AKR1B15: variants seen among roughly 807,000 people sequenced by gnomAD.
AKR1B15 encodes estradiol 17-beta-dehydrogenase AKR1B15.
A neutral mutation model predicts 38.5 loss-of-function variants in AKR1B15; 49 were observed. That is an observed-to-expected ratio of 1.27 (90% CI 1.01 to 1.62). The LOEUF is 1.62. AKR1B15 is among the 40% of genes most tolerant of loss of function. The pLI is 0.00. For missense variants in AKR1B15, 411 were observed against 381.6 expected, an observed-to-expected ratio of 1.08 and a Z score of -0.64; for synonymous variants, 137 against 135.5, an observed-to-expected ratio of 1.01 and a Z score of -0.08.
intron 3 of AKR1B15, 128 bp downstream of exon 3, chr7:134,564,897 C>G (rs1794498719): frequency 3.8e-6 from 2 of 522,962 alleles, no homozygotes; most frequent in Admixed American, 6.7e-5. Flanking sequence ...ACTTTTCTGT[C>G]TAGCTAGAGG....
At chr7:134,557,209 CTCT>C (rs1002339037) in intron 2 of AKR1B15, among the ~76,000 whole-genome samples, 13 of 152,176 alleles carry the variant, frequency 8.5e-5, no homozygotes, top group African/African-American at 3.1e-4. Flanking sequence ...CCTTCTCCTC[CTCT>C]TGTTAGGGTT....
intron 3 of AKR1B15, chr7:134,565,445 T>C (rs764555423): frequency 6.2e-7 from 1 of 1,612,254 alleles, no homozygotes; most frequent in South Asian, 1.1e-5. Flanking sequence ...ACGTGAGACT[T>C]CTACCTGCTC....
At chr7:134,566,538 G>A (rs1411340003) in intron 3 of AKR1B15, among the ~76,000 whole-genome samples, 4 of 152,136 alleles carry the variant, frequency 2.6e-5, no homozygotes, top group African/African-American at 7.2e-5. Flanking sequence ...CCTCTGTTAG[G>A]CTAAGTTTGA....
At chr7:134,562,647 G>A (rs1470378113) in intron 2 of AKR1B15, among the ~76,000 whole-genome samples, 1 of 152,044 alleles carries the variant, frequency 6.6e-6, no homozygotes, top group African/African-American at 2.4e-5. Flanking sequence ...CAATCCTCTT[G>A]TAAGATAGAA....
At chr7:134,571,971 T>G (rs531311465) in intron 6 of AKR1B15, among the ~76,000 whole-genome samples, 1 of 152,152 alleles carries the variant, frequency 6.6e-6, no homozygotes, top group African/African-American at 2.4e-5. Flanking sequence ...GAACAGAGGG[T>G]TTGGGCCTGG....
chr7:134,571,713 A>C (rs1794671530), intron 6 of AKR1B15, 32 bp downstream of exon 6: 1 of 1,548,876 alleles, frequency 6.5e-7, no homozygotes, highest in South Asian at 1.1e-5. Flanking sequence ...GTGTGCTGGG[A>C]GAGAAATCCT....
At chr7:134,570,954 G>T (rs546707825) in intron 5 of AKR1B15, among the ~76,000 whole-genome samples, 2 of 152,308 alleles carry the variant, frequency 1.3e-5, no homozygotes, top group East Asian at 3.9e-4. Context: ...AACCTCTTGG[G>T]TTATTCTTCC....
chr7:134,560,446 T>C (rs968352225), intron 2 of AKR1B15, among the ~76,000 whole-genome samples: 2 of 152,118 alleles, frequency 1.3e-5, no homozygotes, highest in Non-Finnish European at 2.9e-5. Flanking sequence ...CCTGCCCAAA[T>C]TGCCAACCCA....
Position 134,579,651 on chromosome 7 carries a change from C to A in AKR1B15, c.*102C>A. ...TTTTAGCCAAGCTTATCTGAGATCA[C>A]AGTGAACTTTGTCCTGTTGTAGACC... On this transcript the variant is annotated 3_prime_UTR_variant, in exon 12 of 12. Coordinates refer to ENST00000457545, the MANE Select transcript of AKR1B15 (RefSeq NM_001080538.3). The A allele has an allele frequency of 9.0e-7, 1 of 1,113,776 alleles. No individual in the cohort carries two copies. The highest frequency in any genetic ancestry group is 1.3e-6 in the Non-Finnish European group (1 of 785,950). 69.0% of individuals were successfully genotyped at this position (1,113,776 alleles called of 1,614,324 possible).
At position 134,567,234 on chromosome 7, in the gene AKR1B15, T is replaced by C. The variant is rs903850502; in HGVS notation, c.151-924T>C. ...GTTTAAAAGACTATTTTGTGAGAGA[T>C]CAAGTTTTAAGTGCTTTTTGCCCCC... On this transcript the variant is annotated intron_variant, in intron 3 of 11. Coordinates refer to ENST00000457545, the MANE Select transcript of AKR1B15 (RefSeq NM_001080538.3). Among the ~76,000 whole-genome samples the C allele has an allele frequency of 3.9e-5, 6 of 152,314 alleles. No individual in the cohort carries two copies. The East Asian group carries it at 7.7e-4, about 20-fold the overall frequency.
At chr7:134,573,475 G>T in intron 6 of AKR1B15, 1 of 985,366 alleles carries the variant, frequency 1.0e-6, no homozygotes. Flanking sequence ...CATTTGAAAG[G>T]CATGAAAAGA....
intron 3 of AKR1B15, chr7:134,565,090 G>T: frequency 3.3e-6 from 1 of 300,510 alleles, no homozygotes; most frequent in Non-Finnish European, 6.2e-6. Context: ...AATAAAAGCT[G>T]GCCACCCCAG....
chr7:134,570,958 T>C (rs896254635), intron 5 of AKR1B15, among the ~76,000 whole-genome samples: 1 of 152,236 alleles, frequency 6.6e-6, no homozygotes, highest in Non-Finnish European at 1.5e-5. Context: ...TCTTGGGTTA[T>C]TCTTCCATAA....
chr7:134,579,699 C>A lies in AKR1B15; in HGVS notation c.*150C>A. 3.2e-6 allele frequency: 2 copies of A among 617,458 alleles called. No homozygotes were observed. Among genetic ancestry groups the A allele is most frequent in the Non-Finnish European group, 5.4e-6 (2 of 372,648 alleles). The allele number at this position is 617,458 out of a possible 1,614,324, so 38.2% of individuals were successfully genotyped here. On this transcript the variant is annotated 3_prime_UTR_variant, in exon 12 of 12. Transcript: ENST00000457545. Reference sequence around the variant, plus strand: ...ACCAGAATGGAGGTGCTGTTTTAGACATGTATTTCTGTATGTTCAACTAGG... The same window carrying A: ...ACCAGAATGGAGGTGCTGTTTTAGAAATGTATTTCTGTATGTTCAACTAGG...
chr7:134,556,487 G>T lies in AKR1B15; in HGVS notation c.-146-249G>T, dbSNP rs1448880522. ...ATGCCTTCTGTCTAATTAGCGCAAG[G>T]TATAACTTACCTGCTTCTCCCTTTC... On this transcript the variant is annotated intron_variant, in intron 1 of 11. Transcript: ENST00000457545. Among the ~76,000 whole-genome samples, 8 of 152,136 alleles carry T rather than the reference G, an allele frequency of 5.3e-5. 1 individual carries two copies. The highest frequency in any genetic ancestry group is 1.5e-5 in the Non-Finnish European group (1 of 68,030).
chr7:134,551,173 C>G (rs706205), intron 1 of AKR1B15, among the ~76,000 whole-genome samples: 100,652 of 152,016 alleles, frequency 0.66, 34,884 homozygotes, highest in African/African-American at 0.88. Context: ...TAACCCTCCT[C>G]CTCCCCCAGA....
At chr7:134,569,317 G>A (rs1350329720) in intron 4 of AKR1B15, 96 bp from the exon 5 acceptor site, 1 of 1,447,114 alleles carries the variant, frequency 6.9e-7, no homozygotes, top group Non-Finnish European at 9.6e-7. Flanking sequence ...CCTGAGCCAG[G>A]TTAGATGAGG....
At chr7:134,558,015 G>A (rs1745546049) in intron 2 of AKR1B15, among the ~76,000 whole-genome samples, 1 of 152,098 alleles carries the variant, frequency 6.6e-6, no homozygotes, top group Non-Finnish European at 1.5e-5. Context: ...AAGAAAATGC[G>A]GATAGGAAAT....
At chr7:134,568,032 C>A in intron 3 of AKR1B15, 126 bp from the exon 4 acceptor site, 1 of 1,170,674 alleles carries the variant, frequency 8.5e-7, no homozygotes, top group Non-Finnish European at 1.2e-6. Flanking sequence ...TGGTGTAATT[C>A]CAGCTACTCA....
Sources: allele counts gnomAD v4.1 joint callset (sites outside exome capture counted in the v4.1 genomes callset), GRCh38; gene constraint gnomAD v4.1.1; transcripts MANE v1.5; gene names NCBI Gene and HGNC (gene_info 2026-07-23, HGNC 2026-07-21).